Variants in KIF19 observed in about 807,000 individuals in gnomAD.
The protein encoded by KIF19 is kinesin-like protein KIF19.
KIF19 carries 98 observed loss-of-function variants against 106.6 expected under a neutral mutation model. The ratio of observed to expected loss-of-function variants is 0.92; its 90% CI spans 0.78 to 1.09. The LOEUF is 1.09. Ranked by LOEUF, KIF19 falls within the 50% of genes least tolerant of loss-of-function variation. KIF19 has a pLI of 0.00. For synonymous variants in KIF19, 516 were observed against 584.2 expected (o/e 0.88, Z 1.68); for missense variants, 1,373 against 1,414.3 (o/e 0.97, Z 0.47).
chr17:74,344,438 TC>T, intron 6 of KIF19, 90 bp downstream of exon 6: 1 of 1,531,486 alleles, frequency 6.5e-7, no homozygotes. Context: ...AGGGAGCTGC[TC>T]CCCACTCGGC....
chr17:74,328,736 G>A, intron 2 of KIF19: 1 of 469,422 alleles, frequency 2.1e-6, no homozygotes, highest in Non-Finnish European at 3.9e-6. Context: ...GCCTGGGTGG[G>A]CCCTGATCCT....
At chr17:74,329,825 G>A (rs139691125) in intron 2 of KIF19, among the ~76,000 whole-genome samples, 33 of 152,306 alleles carry the variant, frequency 2.2e-4, no homozygotes, top group African/African-American at 7.5e-4. Context: ...GGTAGGATGT[G>A]CTAATGGCTC....
chr17:74,350,105 G>A (rs565377696), intron 10 of KIF19, among the ~76,000 whole-genome samples: 2 of 152,162 alleles, frequency 1.3e-5, no homozygotes, highest in Non-Finnish European at 2.9e-5. Flanking sequence ...GGCCACAGAC[G>A]GTAGTTTCTA....
intron 15 of KIF19, 63 bp from the exon 16 acceptor site, chr17:74,353,133 G>A (rs2054766054): frequency 1.4e-6 from 2 of 1,455,434 alleles, no homozygotes; most frequent in South Asian, 1.2e-5. Flanking sequence ...CCCCTGGGGT[G>A]GGGGTGGGAC....
intron 2 of KIF19, among the ~76,000 whole-genome samples, chr17:74,340,667 C>A (rs949820043): frequency 6.6e-6 from 1 of 152,236 alleles, no homozygotes; most frequent in Non-Finnish European, 1.5e-5. Context: ...CCCTCTGCCT[C>A]CCTTTCCACC....
Position 74,341,896 on chromosome 17 carries a change from A to G in KIF19, c.141A>G (p.Pro47=), listed in dbSNP as rs1045575460. The G allele has an allele frequency of 1.2e-6, 2 of 1,613,550 alleles. No homozygotes were observed. The highest frequency in any genetic ancestry group is 1.3e-5 in the African/African-American group (1 of 74,906). ...VDEQMVVLMD[P]MEDPDDILRA... ...TGCAGATGGTGGTTCTCATGGACCC[A>G]ATGGAGGATCCCGACGACATCCTGC... is the stretch of plus-strand genomic sequence containing the variant. The change falls in exon 3 of 20, where the codon CCA becomes CCG. Residue 47 remains proline (P), a synonymous_variant. Coordinates refer to ENST00000389916, the MANE Select transcript of KIF19 (RefSeq NM_153209.4).
chr17:74,334,681 C>T lies in KIF19; in HGVS notation c.120+6176C>T, dbSNP rs561758851. 1.1e-4 allele frequency among the ~76,000 whole-genome samples: 17 copies of T among 152,324 alleles called. No homozygotes were observed. In the South Asian group the frequency reaches 3.5e-3, roughly 32 times the overall value. ...GGATCAACGTTGCCTTTATTGAGGA[C>T]TCCCAGGATGGTATGTTTACAACTA... On this transcript the variant is annotated intron_variant, in intron 2 of 19. Coordinates refer to ENST00000389916, the MANE Select transcript of KIF19 (RefSeq NM_153209.4).
intron 17 of KIF19, 145 bp from the exon 18 acceptor site, chr17:74,354,017 C>A: frequency 1.1e-6 from 1 of 883,378 alleles, no homozygotes; most frequent in Non-Finnish European, 1.7e-6. Context: ...CGGAAATGGG[C>A]CCAAGTTTCT....
In KIF19 at chr17:74,354,284, T is replaced by A; in HGVS notation, c.2431T>A (p.Ser811Thr). 1 of 1,608,808 alleles carries A rather than the reference T, an allele frequency of 6.2e-7. No individual in the cohort carries two copies. Among genetic ancestry groups the A allele is most frequent in the Non-Finnish European group, 8.5e-7 (1 of 1,179,032 alleles). The part of the protein sequence containing the change: ...LAPATERSSL[S>T]LHSLSEGDDA... ...ACCCGCGACAGAGCGCAGCAGCCTG[T>A]CCCTGCACTCACTGAGCGAGGGCGA... Residue 811 changes from serine to threonine, a missense_variant, in exon 18 of 20, where the codon TCC becomes ACC. This residue lies in a region of KIF19 where 1,020 missense variants were observed against 1,008.2 expected (regional missense o/e 1.01). Coordinates refer to ENST00000389916, the MANE Select transcript of KIF19 (RefSeq NM_153209.4).
At chr17:74,350,607 C>T (rs74968665) in intron 11 of KIF19, 32 bp downstream of exon 11, 65,410 of 1,609,932 alleles carry the variant, frequency 0.041, 1,451 homozygotes, top group Middle Eastern at 0.067. Context: ...CTCCAGGCCC[C>T]ACCCCTGTGC....
At position 74,354,747 on chromosome 17, in the gene KIF19, G is replaced by A. The variant is rs910875506; in HGVS notation, c.2707-35G>A. 1.6e-5 allele frequency: 25 copies of A among 1,543,022 alleles called. 1 individual carries two copies. Among genetic ancestry groups the A allele is most frequent in the Middle Eastern group, 3.4e-4 (2 of 5,910 alleles). On this transcript the variant is annotated intron_variant, in intron 18 of 19. Coordinates refer to ENST00000389916, the MANE Select transcript of KIF19 (RefSeq NM_153209.4). Reference sequence around the variant, plus strand: ...GATCCTGGTAGCAGATCCCTGTGCCGCTCTCGGCCTCACCCCACTGTTCAA... The same window carrying A: ...GATCCTGGTAGCAGATCCCTGTGCCACTCTCGGCCTCACCCCACTGTTCAA...
At chr17:74,350,932 G>A (rs771873052) in intron 12 of KIF19, 27 bp downstream of exon 12, 4 of 1,611,554 alleles carry the variant, frequency 2.5e-6, no homozygotes, top group Non-Finnish European at 2.5e-6. Context: ...GGGACAAGGA[G>A]AGTGGGTTTA....
At chr17:74,328,364 C>A (rs568873108) in intron 1 of KIF19, 61 bp from the exon 2 acceptor site, 4 of 1,488,062 alleles carry the variant, frequency 2.7e-6, no homozygotes, top group South Asian at 2.4e-5. Context: ...TGCTTGAGGT[C>A]TCTCTGAGGC....
intron 9 of KIF19, 117 bp from the exon 10 acceptor site, chr17:74,349,067 A>T: frequency 1.0e-6 from 1 of 998,726 alleles, no homozygotes; most frequent in Non-Finnish European, 1.5e-6. Flanking sequence ...AAAGGAGGCC[A>T]TTACTGTCAC....
At position 74,346,351 on chromosome 17, in the gene KIF19, C is replaced by T. The variant is rs376404903; in HGVS notation, c.778-27C>T. ...CCCAGTCCCCTGCCTCATCAGGCCA[C>T]ACGTGTGCCCTTTGCTCGCCCCCTA... On this transcript the variant is annotated intron_variant, in intron 7 of 19. Transcript: ENST00000389916. The surrounding 1 kb of genome is among the most constrained non-coding windows in gnomAD (Gnocchi z 4.6). 2.3e-4 allele frequency: 361 copies of T among 1,560,462 alleles called. 1 individual carries two copies. Among genetic ancestry groups the T allele is most frequent in the Non-Finnish European group, 2.5e-4 (291 of 1,152,272 alleles).
At chr17:74,342,594 T>TGTGTCCCGGCCC in intron 3 of KIF19, 36 bp from the exon 4 acceptor site, 1 of 1,555,568 alleles carries the variant, frequency 6.4e-7, no homozygotes, top group Non-Finnish European at 8.9e-7. Flanking sequence ...GTGCCCCGCC[T>TGTGTCCCGGCCC]GTGTCCCGGC....
At position 74,353,460 on chromosome 17, in the gene KIF19, A is replaced by C. The variant is rs1281774125; in HGVS notation, c.2221-34A>C. Reference sequence around the variant, plus strand: ...GGGCATGGGGTCCCTGCTGTGTTTAAGGGTTTCCTCCTCCCAACCACTCCA... The same window carrying C: ...GGGCATGGGGTCCCTGCTGTGTTTACGGGTTTCCTCCTCCCAACCACTCCA... On this transcript the variant is annotated intron_variant, in intron 16 of 19. Coordinates refer to ENST00000389916, the MANE Select transcript of KIF19 (RefSeq NM_153209.4). 4 of 1,596,102 alleles carry C rather than the reference A, an allele frequency of 2.5e-6. No homozygotes were observed. In the South Asian group the frequency reaches 3.3e-5, roughly 13 times the overall value.
At chr17:74,341,691 C>T (rs372692182) in intron 2 of KIF19, among the ~76,000 whole-genome samples, 185 bp from the exon 3 acceptor site, 23 of 152,308 alleles carry the variant, frequency 1.5e-4, no homozygotes, top group Non-Finnish European at 2.9e-4. Context: ...CCCTGGACTC[C>T]GGCCTCTGGC....
At position 74,352,212 on chromosome 17, in the gene KIF19, C is replaced by A; in HGVS notation, c.1859-7C>A. The A allele has an allele frequency of 6.2e-7, 1 of 1,610,026 alleles. No individual in the cohort carries two copies. Among genetic ancestry groups the A allele is most frequent in the South Asian group, 1.1e-5 (1 of 90,658 alleles). ...GCACTCACTGAGCCCTGCCCCTTCC[C>A]CAGCAGACTACAACCTGGCCGTCCC... On this transcript the variant is annotated splice_region_variant and splice_polypyrimidine_tract_variant and intron_variant, in intron 13 of 19. Coordinates refer to ENST00000389916, the MANE Select transcript of KIF19 (RefSeq NM_153209.4).
Sources: gnomAD v4.1 joint callset for allele counts (sites outside exome capture counted in the v4.1 genomes callset) on GRCh38, gnomAD v4.1.1 for gene constraint, gnomAD v4.1.1 regional missense constraint, Gnocchi (gnomAD v3.1) non-coding constraint, MANE v1.5 for transcripts, NCBI Gene and HGNC (gene_info 2026-07-23, HGNC 2026-07-21) for gene names.